Variants in RANBP2 observed in about 807,000 individuals in gnomAD.
RANBP2 encodes RAN binding protein 2, also known as E3 SUMO-protein ligase RanBP2.
A neutral mutation model predicts 303.6 loss-of-function variants in RANBP2; 57 were observed. The ratio of observed to expected loss-of-function variants is 0.19; its 90% CI spans 0.15 to 0.23. The LOEUF (loss-of-function observed/expected upper bound fraction) is 0.23, where lower values mean the gene tolerates loss of function less well. Among genes scored for constraint, RANBP2 ranks in the 10% least tolerant of loss-of-function variants. The pLI is 1.00. For missense variants in RANBP2, 3,138 were observed against 3,780.8 expected (o/e 0.83, Z 4.46); for synonymous variants, 1,167 against 1,301.5 (o/e 0.90, Z 2.23).
chr2:109,203,193 C>T, the RANBP2 span, among the ~76,000 whole-genome samples: 3,573 of 152,218 alleles, frequency 0.023, 132 homozygotes, highest in African/African-American at 0.078. Context: ...ATGCCTTGCC[C>T]GCAAGAAGGA....
chr2:108,831,535 G>C, the RANBP2 span, among the ~76,000 whole-genome samples: 1 of 152,166 alleles, frequency 6.6e-6, no homozygotes, highest in African/African-American at 2.4e-5. Flanking sequence ...GAAATGGCTA[G>C]GAAAAGACAG....
At chr2:109,317,693 C>G in the RANBP2 span, among the ~76,000 whole-genome samples, 1 of 152,192 alleles carries the variant, frequency 6.6e-6, no homozygotes, top group Non-Finnish European at 1.5e-5. Flanking sequence ...GCTGCAGTTT[C>G]TCCACCACGG....
At chr2:109,112,935 G>C in the RANBP2 span, among the ~76,000 whole-genome samples, 3 of 152,328 alleles carry the variant, frequency 2.0e-5, no homozygotes, top group East Asian at 3.9e-4. Context: ...TCAAAGATCA[G>C]ATGGTTGTAG....
the RANBP2 span, among the ~76,000 whole-genome samples, chr2:109,149,963 G>A: frequency 6.6e-6 from 1 of 152,180 alleles, no homozygotes; most frequent in African/African-American, 2.4e-5. Context: ...GACTTGGGGT[G>A]CATGTTGAAG....
chr2:109,437,813 G>T, the RANBP2 span, among the ~76,000 whole-genome samples: 2 of 152,256 alleles, frequency 1.3e-5, no homozygotes, highest in African/African-American at 4.8e-5. Context: ...AGCACATCTT[G>T]GTTGGTGGCT....
the RANBP2 span, among the ~76,000 whole-genome samples, chr2:109,678,464 G>A: frequency 1.3e-5 from 2 of 152,190 alleles, no homozygotes; most frequent in African/African-American, 2.4e-5. Flanking sequence ...ACCAGGGATC[G>A]CAAAGCCCAG....
At chr2:108,720,333 A>G (rs1031804241) in intron 1 of RANBP2, among the ~76,000 whole-genome samples, 1 of 148,690 alleles carries the variant, frequency 6.7e-6, no homozygotes, top group African/African-American at 2.6e-5. Context: ...CCCCGCCCGG[A>G]ACACTTTGGT....
chr2:109,058,882 G>A, the RANBP2 span, among the ~76,000 whole-genome samples: 1 of 152,178 alleles, frequency 6.6e-6, no homozygotes. Flanking sequence ...GCAGGATCTT[G>A]TGTGGGGTCC....
At chr2:109,647,159 T>A in the RANBP2 span, among the ~76,000 whole-genome samples, 1 of 45,204 alleles carries the variant, frequency 2.2e-5, no homozygotes. Flanking sequence ...TCCTCACTTT[T>A]TTTTTTTTTT....
the RANBP2 span, among the ~76,000 whole-genome samples, chr2:109,141,168 C>A: frequency 6.6e-6 from 1 of 152,304 alleles, no homozygotes; most frequent in African/African-American, 2.4e-5. Context: ...TCTGCGGATT[C>A]CTCTCTTTTG....
At chr2:108,950,327 T>C in the RANBP2 span, among the ~76,000 whole-genome samples, 1 of 151,590 alleles carries the variant, frequency 6.6e-6, no homozygotes, top group Non-Finnish European at 1.5e-5. Flanking sequence ...CATAGCTCAC[T>C]GCAGCATCAA....
At chr2:109,615,334 G>A in the RANBP2 span, 62 of 1,611,730 alleles carry the variant, frequency 3.8e-5, no homozygotes, top group East Asian at 6.2e-4. Flanking sequence ...AAGTGGGACA[G>A]CCTGGAGGGC....
chr2:109,449,246 C>G, the RANBP2 span: 1 of 1,613,000 alleles, frequency 6.2e-7, no homozygotes, highest in Middle Eastern at 1.7e-4. Context: ...ACTCTCCATC[C>G]CGCCTGCCTG....
the RANBP2 span, among the ~76,000 whole-genome samples, chr2:109,021,489 C>T: frequency 6.6e-6 from 1 of 150,542 alleles, no homozygotes; most frequent in Non-Finnish European, 1.5e-5. Flanking sequence ...CGCCACTGCC[C>T]TCCAGCCTGG....
chr2:108,814,106 A>G, the RANBP2 span, among the ~76,000 whole-genome samples: 2 of 152,228 alleles, frequency 1.3e-5, no homozygotes, highest in Non-Finnish European at 2.9e-5. Flanking sequence ...GATATATACC[A>G]GGACTACAAT....
chr2:109,344,869 G>A, the RANBP2 span, among the ~76,000 whole-genome samples: 9 of 152,166 alleles, frequency 5.9e-5, no homozygotes, highest in Non-Finnish European at 1.2e-4. Flanking sequence ...CAGCAGAGCC[G>A]TCAAGCAGGC....
chr2:109,440,578 C>G, the RANBP2 span, among the ~76,000 whole-genome samples: 1 of 152,166 alleles, frequency 6.6e-6, no homozygotes, highest in African/African-American at 2.4e-5. Context: ...CCACATGAAA[C>G]AAATTTAAAA....
At chr2:109,160,257 G>A in the RANBP2 span, among the ~76,000 whole-genome samples, 4 of 152,206 alleles carry the variant, frequency 2.6e-5, no homozygotes, top group African/African-American at 9.6e-5. Context: ...GTGACCCATG[G>A]AGTGTGACAG....
the RANBP2 span, among the ~76,000 whole-genome samples, chr2:109,189,058 C>T: frequency 6.6e-6 from 1 of 152,144 alleles, no homozygotes; most frequent in Non-Finnish European, 1.5e-5. Flanking sequence ...GGAGTCCCTC[C>T]AGTGGAAACC....
Sources: allele counts gnomAD v4.1 joint callset (sites outside exome capture counted in the v4.1 genomes callset), GRCh38; gene constraint gnomAD v4.1.1; transcripts MANE v1.5; gene names NCBI Gene and HGNC (gene_info 2026-07-23, HGNC 2026-07-21).